The following MUC22 variants were observed in gnomAD, a reference collection of about 807,000 sequenced individuals.
MUC22 encodes the protein mucin-22.
In MUC22, 24 loss-of-function variants were observed where a neutral mutation model predicts 40.3. The observed-to-expected ratio is 0.60, with a 90% confidence interval of 0.43 to 0.84. The LOEUF (loss-of-function observed/expected upper bound fraction) is 0.84, where lower values mean the gene tolerates loss of function less well. Ranked by LOEUF, MUC22 falls within the 40% of genes least tolerant of loss-of-function variation. The probability of loss-of-function intolerance (pLI) is 0.00; values close to 1 mark genes in which losing one functional copy is unlikely to be tolerated. For missense variants in MUC22, 1,926 were observed against 2,130.7 expected, an observed-to-expected ratio of 0.90 and a Z score of 1.89; for synonymous variants, 765 against 844.5, an observed-to-expected ratio of 0.91 and a Z score of 1.63.
At chr6:31,030,516 C>CAA (rs372027490) in intron 2 of MUC22, among the ~76,000 whole-genome samples, 35,653 of 126,944 alleles carry the variant, frequency 0.28, 4,989 homozygotes, top group Admixed American at 0.31. Flanking sequence ...GACTCCGTCT[C>CAA]AAAAAAAAAA....
At chr6:31,010,276 T>C (rs1763773036), upstream of MUC22, among the ~76,000 whole-genome samples, 1 of 152,082 alleles carries the variant, frequency 6.6e-6, no homozygotes. Context: ...CCTCCCTCCC[T>C]GCCCCTCCTC....
chr6:31,021,821 G>A (rs530305698), intron 1 of MUC22, among the ~76,000 whole-genome samples: 108 of 152,260 alleles, frequency 7.1e-4, no homozygotes, highest in Non-Finnish European at 1.1e-3. Context: ...CAGGCTGCCC[G>A]AGCCAGCAGT....
rs866254784 is a variant in MUC22 at position 31,028,115 on chromosome 6, C to A, written c.2684C>A (p.Thr895Asn). The change falls in exon 2 of 4, where the codon ACC (threonine) becomes AAC (asparagine). Residue 895 changes from threonine (T) to asparagine (N), a missense_variant. This residue lies in a region of MUC22 where 1,281 missense variants were observed against 1,337.8 expected (regional missense o/e 0.96). Transcript: ENST00000561890. Reference sequence around the variant, plus strand: ...ACAGCCTCTACTGAAGGCTCTGAGACCACTACAGTCTCCACCACAGACTCT... The same window carrying A: ...ACAGCCTCTACTGAAGGCTCTGAGAACACTACAGTCTCCACCACAGACTCT... 81 of 1,533,274 alleles carry A rather than the reference C, an allele frequency of 5.3e-5. No individual in the cohort carries two copies. The highest frequency in any genetic ancestry group is 7.0e-5 in the Non-Finnish European group (80 of 1,146,324). The allele number at this position is 1,533,274 out of a possible 1,614,324, so 95.0% of individuals were successfully genotyped here. A position where few individuals can be genotyped will look rare whatever the true frequency, so the allele number is the denominator to read the frequency against.
exon 2 of MUC22, chr6:31,027,103 G>T: frequency 6.7e-7 from 1 of 1,496,068 alleles, no homozygotes; most frequent in South Asian, 1.2e-5. Context: ...GACCACTATG[G>T]CCTCTACCAT....
intron 1 of MUC22, among the ~76,000 whole-genome samples, chr6:31,019,006 T>C (rs1470749013): frequency 6.6e-6 from 1 of 152,220 alleles, no homozygotes; most frequent in Non-Finnish European, 1.5e-5. Flanking sequence ...TTAAATACAA[T>C]GTATATTTAA....
Position 31,027,281 on chromosome 6 carries a change from C to G in MUC22, c.1850C>G (p.Thr617Arg). The change falls in exon 2 of 4, where the codon ACA (threonine) becomes AGA (arginine). Residue 617 changes from threonine (T) to arginine (R), a missense_variant. Around this residue, in one of 3 missense-constraint regions of MUC22, gnomAD observed 1,281 missense variants for 1,337.8 expected, o/e 0.96. Transcript: ENST00000561890. Reference sequence around the variant, plus strand: ...TCCATCATGGGCTCTGAGACCAGCACAGATTCTACCACAGGCTCTGAGACC... The same window carrying G: ...TCCATCATGGGCTCTGAGACCAGCAGAGATTCTACCACAGGCTCTGAGACC... 2.9e-6 allele frequency: 4 copies of G among 1,358,544 alleles called. 1 individual carries two copies. Among genetic ancestry groups the G allele is most frequent in the Non-Finnish European group, 1.9e-6 (2 of 1,031,986 alleles). The allele number at this position is 1,358,544 out of a possible 1,614,324, so 84.2% of individuals were successfully genotyped here.
intron 1 of MUC22, among the ~76,000 whole-genome samples, chr6:31,014,019 G>A (rs1345279559): frequency 1.3e-5 from 2 of 152,042 alleles, no homozygotes; most frequent in African/African-American, 2.4e-5. Flanking sequence ...AATTTTTGGT[G>A]TTAAACTAGC....
chr6:31,022,703 T>C (rs550604590), intron 1 of MUC22, among the ~76,000 whole-genome samples: 3 of 152,300 alleles, frequency 2.0e-5, no homozygotes, highest in South Asian at 2.1e-4. Context: ...GAGACTCTCA[T>C]GCCTTTACAG....
chr6:31,031,102 T>C (rs6457301), intron 2 of MUC22, among the ~76,000 whole-genome samples: 57,119 of 152,018 alleles, frequency 0.38, 10,968 homozygotes, highest in Admixed American at 0.46. Context: ...GTTCTAAGCA[T>C]ACTCACTTCT....
Position 31,025,753 on chromosome 6 carries a change from A to G in MUC22, c.322A>G (p.Thr108Ala), listed in dbSNP as rs1361671557. The change falls in exon 2 of 4, where the codon ACT becomes GCT. Residue 108 changes from threonine to alanine, a missense_variant. Thr to Ala is a moderately conservative substitution (Grantham distance 58). Transcript: ENST00000561890. Reference sequence around the variant, plus strand: ...AGACTCAGGGACTACTATAGCCTCCACTAGGACCTTCACCACAGGCTCTGA... The same window carrying G: ...AGACTCAGGGACTACTATAGCCTCCGCTAGGACCTTCACCACAGGCTCTGA... The G allele has an allele frequency of 2.6e-6, 4 of 1,529,632 alleles. 1 individual carries two copies. The Admixed American group carries it at 5.9e-5, about 23-fold the overall frequency. The allele number at this position is 1,529,632 out of a possible 1,614,324, so 94.8% of individuals were successfully genotyped here. A position where few individuals can be genotyped will look rare whatever the true frequency, so the allele number is the denominator to read the frequency against.
At chr6:31,025,626 CACCACAGACTCT>C in exon 2 of MUC22, 2 of 1,524,664 alleles carry the variant, frequency 1.3e-6, no homozygotes, top group Non-Finnish European at 1.8e-6. Flanking sequence ...GCTCTAAGAT[CACCACAGACTCT>C]ACCACAGGCT....
At chr6:31,024,800 A>G (rs1765136729) in intron 1 of MUC22, among the ~76,000 whole-genome samples, 1 of 151,328 alleles carries the variant, frequency 6.6e-6, no homozygotes, top group African/African-American at 2.4e-5. Flanking sequence ...CTCATTAACA[A>G]CTCAGGGTAT....
At chr6:31,016,122 G>T (rs1257058045) in intron 1 of MUC22, among the ~76,000 whole-genome samples, 2 of 141,418 alleles carry the variant, frequency 1.4e-5, no homozygotes, top group African/African-American at 2.6e-5. Context: ...TTTTAAGATG[G>T]CATCTCTTAC....
chr6:31,030,378 G>T (rs12110477), intron 2 of MUC22, among the ~76,000 whole-genome samples: 1 of 152,070 alleles, frequency 6.6e-6, no homozygotes, highest in African/African-American at 2.4e-5. Flanking sequence ...TTAGCTGGGC[G>T]TGGTGGCGGG....
chr6:31,008,572 G>A (rs149405105), upstream of MUC22, among the ~76,000 whole-genome samples: 3,662 of 143,756 alleles, frequency 0.025, 77 homozygotes, highest in Non-Finnish European at 0.044. Flanking sequence ...TTTTTGAGAC[G>A]GAGTCTCACT....
At chr6:31,020,158 G>C (rs1305103702) in intron 1 of MUC22, among the ~76,000 whole-genome samples, 1 of 152,052 alleles carries the variant, frequency 6.6e-6, no homozygotes, top group Non-Finnish European at 1.5e-5. Context: ...TCATACCAAA[G>C]TACAACGTAA....
At chr6:31,034,934 A>G in exon 4 of MUC22, 1 of 1,535,414 alleles carries the variant, frequency 6.5e-7, no homozygotes, top group Non-Finnish European at 8.7e-7. Context: ...GGAGGAGGCC[A>G]CTGAGGACAC....
At chr6:31,027,320 C>G (rs1381983706) in exon 2 of MUC22, 1 of 1,530,342 alleles carries the variant, frequency 6.5e-7, no homozygotes, top group Non-Finnish European at 8.7e-7. Flanking sequence ...ACAGCCTCTA[C>G]TGAAGGCTCT....
rs557009853 is a variant in MUC22, at chr6:31,027,138, C to T, written c.1707C>T (p.Ser569=). Residue 569 remains serine (S), a synonymous_variant, in exon 2 of 4, where the codon TCC becomes TCT. Transcript: ENST00000561890. ...TAGGCCCTGAGACCACCAAGGTCTC[C>T]ACTGCAAGCTCTGAGGTGACCACAG... 9.9e-4 allele frequency: 1,472 copies of T among 1,487,490 alleles called. 144 individuals are homozygous for T. The highest frequency in any genetic ancestry group is 7.5e-3 in the East Asian group (283 of 37,820). The allele number at this position is 1,487,490 out of a possible 1,614,324, so 92.1% of individuals were successfully genotyped here. A position where few individuals can be genotyped will look rare whatever the true frequency, so the allele number is the denominator to read the frequency against.
Sources: gnomAD v4.1 joint callset for allele counts (sites outside exome capture counted in the v4.1 genomes callset) on GRCh38, gnomAD v4.1.1 for gene constraint, gnomAD v4.1.1 regional missense constraint, MANE v1.5 for transcripts, NCBI Gene and HGNC (gene_info 2026-07-23, HGNC 2026-07-21) for gene names.